Variants in MAP2K6 observed in about 807,000 individuals in gnomAD.
MAP2K6 encodes mitogen-activated protein kinase kinase 6.
In MAP2K6, 16 loss-of-function variants were observed where a neutral mutation model predicts 53.7. That is an observed-to-expected ratio of 0.30 (90% CI 0.20 to 0.45). MAP2K6 has a LOEUF of 0.45. Among genes scored for constraint, MAP2K6 ranks in the 20% least tolerant of loss-of-function variants. The pLI is 1.00. For synonymous variants in MAP2K6, 132 were observed against 143.1 expected (o/e 0.92, Z 0.55); for missense variants, 204 against 411.9 (o/e 0.50, Z 4.37).
At chr17:69,493,776 A>ATAT (rs1908842419) in intron 1 of MAP2K6, among the ~76,000 whole-genome samples, 1 of 103,496 alleles carries the variant, frequency 9.7e-6, no homozygotes, top group Non-Finnish European at 2.3e-5. Flanking sequence ...AAAAGAAAAA[A>ATAT]AAAAATATAT....
intron 1 of MAP2K6, among the ~76,000 whole-genome samples, chr17:69,429,730 T>TCC (rs1906396536): frequency 6.6e-6 from 1 of 152,074 alleles, no homozygotes; most frequent in South Asian, 2.1e-4. Flanking sequence ...GCATGTTGTG[T>TCC]GAGGTGGTTG....
chr17:69,491,108 T>TTTCCTTCCTTCTTTCCTTCCTTCC (rs1598287234), intron 1 of MAP2K6, among the ~76,000 whole-genome samples: 4 of 148,740 alleles, frequency 2.7e-5, no homozygotes, highest in African/African-American at 7.7e-5. Flanking sequence ...CATTGTCTTT[T>TTTCCTTCCTTCTTTCCTTCCTTCC]TTCCTTCCTT....
rs890656916 is a variant in MAP2K6, at chr17:69,547,255, G to A, written c.*5502G>A. 2.0e-5 allele frequency: 3 copies of A among 152,158 alleles called. No individual in the cohort carries two copies. Among genetic ancestry groups the A allele is most frequent in the African/African-American group, 4.8e-5 (2 of 41,434 alleles). The allele number at this position is 152,158 out of a possible 1,614,324, so 9.4% of individuals were successfully genotyped here. Reference sequence around the variant, plus strand: ...TCCACGGGGTTAGTAGCTCTGTTCTGTAGAATATTGACTGTGACATCCTAG... The same window carrying A: ...TCCACGGGGTTAGTAGCTCTGTTCTATAGAATATTGACTGTGACATCCTAG... On this transcript the variant is annotated 3_prime_UTR_variant, in exon 12 of 12. Transcript: ENST00000590474.
At chr17:69,500,881 T>C (rs1909145244) in intron 1 of MAP2K6, among the ~76,000 whole-genome samples, 1 of 152,228 alleles carries the variant, frequency 6.6e-6, no homozygotes, top group South Asian at 2.1e-4. Flanking sequence ...TTTTGGAAGA[T>C]TGGAGGATGG....
chr17:69,465,752 TG>T (rs1433728302), intron 1 of MAP2K6, among the ~76,000 whole-genome samples: 3 of 151,588 alleles, frequency 2.0e-5, no homozygotes, highest in Non-Finnish European at 4.4e-5. Context: ...CCCAAATAGC[TG>T]GGATTATAGA....
At chr17:69,454,651 A>G (rs978341211) in intron 1 of MAP2K6, among the ~76,000 whole-genome samples, 2 of 152,032 alleles carry the variant, frequency 1.3e-5, no homozygotes, top group South Asian at 2.1e-4. Context: ...TCTGCCTCCA[A>G]AACTGCTGGG....
intron 11 of MAP2K6, among the ~76,000 whole-genome samples, chr17:69,540,686 C>G (rs1381971484): frequency 1.3e-5 from 2 of 152,186 alleles, no homozygotes; most frequent in Non-Finnish European, 2.9e-5. Context: ...TTTACTTGTT[C>G]TGAGCTGTGA....
chr17:69,461,850 C>T (rs1318324816), intron 1 of MAP2K6, among the ~76,000 whole-genome samples: 1 of 152,190 alleles, frequency 6.6e-6, no homozygotes, highest in Non-Finnish European at 1.5e-5. Context: ...TCGTCAATCA[C>T]ACATTACCAA....
chr17:69,488,445 G>A (rs561172178), intron 1 of MAP2K6, among the ~76,000 whole-genome samples: 2 of 152,094 alleles, frequency 1.3e-5, no homozygotes, highest in African/African-American at 4.8e-5. Flanking sequence ...GAAAAAAATT[G>A]TTCTACCAAA....
chr17:69,506,321 G>A (rs1598296563), intron 2 of MAP2K6, among the ~76,000 whole-genome samples: 1 of 151,910 alleles, frequency 6.6e-6, no homozygotes, highest in Admixed American at 6.6e-5. Context: ...ATTAGCTGAG[G>A]TTTTGGCCCA....
intron 1 of MAP2K6, among the ~76,000 whole-genome samples, chr17:69,505,036 T>C (rs1165072307): frequency 6.6e-6 from 1 of 150,400 alleles, no homozygotes; most frequent in African/African-American, 2.5e-5. Flanking sequence ...TAGAAAATAG[T>C]GGGTTACTAA....
Position 69,517,598 on chromosome 17 carries a change from G to C in MAP2K6, c.231G>C (p.Gln77His). ...AGATGCGGCACGTGCCCAGCGGGCA[G>C]ATCATGGCAGTGAAGGTAGAGTTGA... ...VEKMRHVPSG[Q>H]IMAVKRIRAT... The change falls in exon 4 of 12, where the codon CAG becomes CAC. Residue 77 changes from glutamine (Q) to histidine (H), a missense_variant. Transcript: ENST00000590474. The C allele has an allele frequency of 6.2e-7, 1 of 1,600,550 alleles. No individual in the cohort carries two copies. The highest frequency in any genetic ancestry group is 1.7e-4 in the Middle Eastern group (1 of 5,982).
intron 1 of MAP2K6, among the ~76,000 whole-genome samples, chr17:69,455,833 TG>T (rs1266514385): frequency 1.3e-5 from 2 of 149,616 alleles, no homozygotes; most frequent in Non-Finnish European, 3.0e-5. Context: ...TGGGACTGAG[TG>T]GGTTCCTGGA....
intron 1 of MAP2K6, among the ~76,000 whole-genome samples, chr17:69,424,947 G>A (rs1456053532): frequency 1.3e-5 from 2 of 152,190 alleles, no homozygotes; most frequent in Non-Finnish European, 2.9e-5. Context: ...TAAAATGTAG[G>A]TAACAAATAT....
In MAP2K6 at chr17:69,431,752, C is replaced by T. The variant is rs531427420; in HGVS notation, c.16+16752C>T. ...CTCTGCTTTCTGCTTTTCTTGTGGA[C>T]CAGGCTTTTTGCTCACTCATCAATC... On this transcript the variant is annotated intron_variant, in intron 1 of 11. Transcript: ENST00000590474. Among the ~76,000 whole-genome samples, 530 of 152,204 alleles carry T rather than the reference C, an allele frequency of 3.5e-3. 3 individuals are homozygous for T. Among genetic ancestry groups the T allele is most frequent in the African/African-American group, 0.012 (495 of 41,506 alleles).
intron 1 of MAP2K6, among the ~76,000 whole-genome samples, chr17:69,463,226 A>G (rs1907679002): frequency 6.6e-6 from 1 of 151,570 alleles, no homozygotes; most frequent in African/African-American, 2.4e-5. Context: ...CAGATAATCA[A>G]TATGAAGCAT....
intron 1 of MAP2K6, among the ~76,000 whole-genome samples, chr17:69,503,996 T>A (rs1193555376): frequency 3.3e-5 from 5 of 152,168 alleles, no homozygotes; most frequent in Non-Finnish European, 7.4e-5. Flanking sequence ...CCCTCTCCAG[T>A]CATCTCTAAA....
chr17:69,505,856 C>A lies in MAP2K6; in HGVS notation c.83+10C>A. ...CTCAGACCAGTTCCACGTAAGTTGACAAGACCATCATCTGAATCCAAATCC... is the reference window on the plus strand; with the variant it reads ...CTCAGACCAGTTCCACGTAAGTTGAAAAGACCATCATCTGAATCCAAATCC... On this transcript the variant is annotated intron_variant, in intron 2 of 11. Transcript: ENST00000590474. The A allele has an allele frequency of 6.2e-7, 1 of 1,611,292 alleles. No homozygotes were observed. The highest frequency in any genetic ancestry group is 8.5e-7 in the Non-Finnish European group (1 of 1,177,786).
At chr17:69,450,514 GGGATGAAGCCTTAGAGGTCATGCCCTGTC>G in intron 1 of MAP2K6, among the ~76,000 whole-genome samples, 1 of 152,260 alleles carries the variant, frequency 6.6e-6, no homozygotes, top group African/African-American at 2.4e-5. Flanking sequence ...CCTTGGGTTT[GGGATGAAGCCTTAGAGGTCATGCCCTGTC>G]CCAGCCTTCA....
Sources: gnomAD v4.1 joint callset for allele counts (sites outside exome capture counted in the v4.1 genomes callset) on GRCh38, gnomAD v4.1.1 for gene constraint, MANE v1.5 for transcripts, NCBI Gene and HGNC (gene_info 2026-07-23, HGNC 2026-07-21) for gene names.